ANXA8: variants seen among roughly 807,000 people sequenced by gnomAD.
The protein encoded by ANXA8 is annexin A8, also known as VAC-beta.
In ANXA8, 9 loss-of-function variants were observed where a neutral mutation model predicts 26.8. That is an observed-to-expected ratio of 0.34 (90% confidence interval 0.20 to 0.59). The LOEUF (loss-of-function observed/expected upper bound fraction) is 0.59, where lower values mean the gene tolerates loss of function less well. Among genes scored for constraint, ANXA8 ranks in the 20% least tolerant of loss-of-function variants. The pLI is 0.84. For missense variants in ANXA8, 83 were observed against 238.5 expected, an observed-to-expected ratio of 0.35 and a Z score of 4.29; for synonymous variants, 39 against 94.8, an observed-to-expected ratio of 0.41 and a Z score of 3.42.
chr10:47,777,000 G>A, the ANXA8 span, among the ~76,000 whole-genome samples: 1 of 151,948 alleles, frequency 6.6e-6, no homozygotes, highest in Non-Finnish European at 1.5e-5. Flanking sequence ...CTGGTTAAAA[G>A]TGTCACCTCT....
the ANXA8 span, among the ~76,000 whole-genome samples, chr10:47,932,857 C>T: frequency 3.5e-5 from 2 of 57,760 alleles, no homozygotes; most frequent in African/African-American, 1.7e-4. Context: ...TGTAGGACTT[C>T]CCAGCCTCCA....
the ANXA8 span, among the ~76,000 whole-genome samples, chr10:47,966,384 CT>C: frequency 8.6e-5 from 13 of 150,740 alleles, no homozygotes; most frequent in Admixed American, 1.3e-4. Context: ...TGATTTATGG[CT>C]TCCAGCTTTG....
chr10:47,743,295 C>CACACACACATATATAT, the ANXA8 span, among the ~76,000 whole-genome samples: 1 of 69,112 alleles, frequency 1.4e-5, no homozygotes, highest in East Asian at 5.0e-4. Flanking sequence ...TATATATATA[C>CACACACACATATATAT]ACATATATAT....
chr10:47,564,946 C>T, the ANXA8 span: 19 of 1,426,924 alleles, frequency 1.3e-5, 1 homozygote, highest in African/African-American at 2.3e-4. Context: ...ACAAGTCCAT[C>T]GAGTTCGTCG....
chr10:47,954,601 C>A, the ANXA8 span, among the ~76,000 whole-genome samples: 2 of 151,294 alleles, frequency 1.3e-5, no homozygotes, highest in Non-Finnish European at 2.9e-5. Flanking sequence ...GTGATGGATA[C>A]CTTGTTTACC....
the ANXA8 span, among the ~76,000 whole-genome samples, chr10:47,957,507 C>A: frequency 2.0e-5 from 3 of 150,548 alleles, 1 homozygote; most frequent in South Asian, 6.2e-4. Context: ...GTTTCCTTTC[C>A]CGAGAGCGCT....
chr10:47,485,522 T>G (rs1840020684), upstream of ANXA8, among the ~76,000 whole-genome samples: 1 of 152,086 alleles, frequency 6.6e-6, no homozygotes, highest in African/African-American at 2.4e-5. Context: ...AAACTGTGAG[T>G]CCAATTCTAG....
At chr10:47,696,075 T>TA in the ANXA8 span, among the ~76,000 whole-genome samples, 7 of 151,670 alleles carry the variant, frequency 4.6e-5, no homozygotes, top group South Asian at 8.3e-4. Context: ...CTTCTGGTCC[T>TA]AAAAAAAATT....
the ANXA8 span, among the ~76,000 whole-genome samples, chr10:47,523,851 C>T: frequency 0.11 from 11,340 of 104,700 alleles, no homozygotes; most frequent in South Asian, 0.21. Flanking sequence ...AGAGAACAGA[C>T]GGAGCTCCTC....
the ANXA8 span, among the ~76,000 whole-genome samples, chr10:47,706,033 G>A: frequency 2.6e-5 from 4 of 151,978 alleles, no homozygotes; most frequent in Non-Finnish European, 5.9e-5. Context: ...CGCGCGGTCG[G>A]TTCCGGGCGG....
chr10:47,495,561 C>A, the ANXA8 span, among the ~76,000 whole-genome samples: 1 of 150,280 alleles, frequency 6.7e-6, no homozygotes, highest in Non-Finnish European at 1.5e-5. Flanking sequence ...GCTGGGATTA[C>A]AGGCATGAGC....
the ANXA8 span, among the ~76,000 whole-genome samples, chr10:47,727,539 A>G: frequency 1.4e-5 from 2 of 145,214 alleles, no homozygotes; most frequent in Non-Finnish European, 3.0e-5. Flanking sequence ...TATATTAAGT[A>G]GAACAGTACA....
At chr10:47,603,495 G>A in the ANXA8 span, among the ~76,000 whole-genome samples, 2 of 146,538 alleles carry the variant, frequency 1.4e-5, no homozygotes, top group South Asian at 2.1e-4. Flanking sequence ...TTTCATTCAC[G>A]TTAGCATATA....
chr10:47,671,205 T>G, the ANXA8 span, among the ~76,000 whole-genome samples: 1 of 151,884 alleles, frequency 6.6e-6, no homozygotes, highest in Non-Finnish European at 1.5e-5. Flanking sequence ...GATGGATCAC[T>G]TGAGCTCAGG....
At chr10:47,735,156 G>GT in the ANXA8 span, among the ~76,000 whole-genome samples, 2 of 150,274 alleles carry the variant, frequency 1.3e-5, no homozygotes, top group Non-Finnish European at 2.9e-5. Context: ...CTGGAGTACA[G>GT]TGGCACAATT....
At chr10:47,488,659 AC>A (rs1356440867), upstream of ANXA8, among the ~76,000 whole-genome samples, 7 of 138,960 alleles carry the variant, frequency 5.0e-5, no homozygotes, top group South Asian at 4.5e-4. Context: ...ACATAGTACT[AC>A]TCATAGCTCA....
chr10:47,483,109 G>A (rs1839892955), intron 1 of ANXA8, among the ~76,000 whole-genome samples: 1 of 151,628 alleles, frequency 6.6e-6, no homozygotes, highest in Admixed American at 6.6e-5. Context: ...GATGGCCTCA[G>A]GCTCAACCAT....
chr10:47,718,326 G>A, the ANXA8 span, among the ~76,000 whole-genome samples: 1 of 122,792 alleles, frequency 8.1e-6, no homozygotes, highest in East Asian at 2.8e-4. Context: ...ACAAAAATTA[G>A]CCAGGTGTGG....
chr10:47,632,100 T>C, the ANXA8 span, among the ~76,000 whole-genome samples: 1 of 152,260 alleles, frequency 6.6e-6, no homozygotes, highest in Admixed American at 6.5e-5. Flanking sequence ...AGAAGTTGAA[T>C]ACTTTTAAGA....
Sources: gnomAD v4.1 joint callset for allele counts (sites outside exome capture counted in the v4.1 genomes callset) on GRCh38, gnomAD v4.1.1 for gene constraint, MANE v1.5 for transcripts, NCBI Gene and HGNC (gene_info 2026-07-23, HGNC 2026-07-21) for gene names.